GCA: variants seen among roughly 807,000 people sequenced by gnomAD.
GCA encodes the protein grancalcin, also known as grancalcin, EF-hand calcium-binding protein.
A neutral mutation model predicts 32.6 loss-of-function variants in GCA; 30 were observed. That is an observed-to-expected ratio of 0.92 (90% CI 0.69 to 1.25). The LOEUF (loss-of-function observed/expected upper bound fraction) is 1.25. Among genes scored for constraint, GCA ranks in the 50% most tolerant of loss-of-function variants. The pLI, the probability that GCA is intolerant of heterozygous loss-of-function variation, is 0.00. For missense variants in GCA, 291 were observed against 266.8 expected, an observed-to-expected ratio of 1.09 and a Z score of -0.63; for synonymous variants, 102 against 84.6, an observed-to-expected ratio of 1.21 and a Z score of -1.13.
chr2:162,360,534 G>A lies in GCA; in HGVS notation c.*291G>A. On this transcript the variant is annotated 3_prime_UTR_variant, in exon 8 of 8. Coordinates refer to ENST00000437150, the MANE Select transcript of GCA (RefSeq NM_012198.5). The stretch of plus-strand genomic sequence containing the variant: ...ATGCTTAGCCTTAATTTTAGATAAT[G>A]TAAATTTAGAGGAATGTACTTTACA... 9.6e-7 allele frequency: 1 copy of A among 1,044,998 alleles called. No homozygotes were observed. The highest frequency in any genetic ancestry group is 1.2e-6 in the Non-Finnish European group (1 of 807,874). 64.7% of individuals were successfully genotyped at this position (1,044,998 alleles called of 1,614,324 possible).
chr2:162,343,622 G>T (rs911419193), upstream of GCA, among the ~76,000 whole-genome samples: 1 of 152,172 alleles, frequency 6.6e-6, no homozygotes, highest in African/African-American at 2.4e-5. Flanking sequence ...GGGTTTTGGC[G>T]CAGAAGCACT....
chr2:162,373,711 T>C, downstream of GCA: 1 of 1,300,316 alleles, frequency 7.7e-7, no homozygotes, highest in South Asian at 2.3e-5. Context: ...TAGTCCAGAA[T>C]TTCAGGAGCA....
At position 162,359,066 on chromosome 2, in the gene GCA, AT is replaced by A; in HGVS notation, c.479del (p.Leu160Ter). 6.3e-7 allele frequency: 1 copy of A among 1,583,598 alleles called. No homozygotes were observed. The highest frequency in any genetic ancestry group is 8.7e-7 in the Non-Finnish European group (1 of 1,154,502). On this transcript the variant is annotated frameshift_variant, in exon 6 of 8. Coordinates refer to ENST00000437150, the MANE Select transcript of GCA (RefSeq NM_012198.5). LOFTEE classifies it high-confidence loss of function. ...LMGYRLSPQT[L>X]TTIVKRYSKN... ...TAGGTTATAGGTTGAGTCCTCAAACATTAACTACTATTGTTAAACGTTATAG... is the reference window on the plus strand; with the variant it reads ...TAGGTTATAGGTTGAGTCCTCAAACATAACTACTATTGTTAAACGTTATAG...
At chr2:162,373,693 G>A, downstream of GCA, 1 of 1,364,328 alleles carries the variant, frequency 7.3e-7, no homozygotes, top group Non-Finnish European at 9.6e-7. Flanking sequence ...GGAAAAGACA[G>A]TCTAAAATAG....
rs1323502559 is a variant in GCA at position 162,361,297 on chromosome 2, A to C, written c.*1054A>C. 1 of 984,644 alleles carries C rather than the reference A, an allele frequency of 1.0e-6. No homozygotes were observed. Among genetic ancestry groups the C allele is most frequent in the African/African-American group, 1.7e-5 (1 of 57,176 alleles). 61.0% of individuals were successfully genotyped at this position (984,644 alleles called of 1,614,324 possible). On this transcript the variant is annotated 3_prime_UTR_variant, in exon 8 of 8. Coordinates refer to ENST00000437150, the MANE Select transcript of GCA (RefSeq NM_012198.5). Reference sequence around the variant, plus strand: ...TAAAACTGCCGAAAATGCGACGTAGAATCACCAGATCTTTAGTGTTTAATA... The same window carrying C: ...TAAAACTGCCGAAAATGCGACGTAGCATCACCAGATCTTTAGTGTTTAATA...
At chr2:162,320,958 C>T (rs13394808) in intron 1 of GCA, among the ~76,000 whole-genome samples, 8,411 of 152,242 alleles carry the variant, frequency 0.055, 802 homozygotes, top group African/African-American at 0.19. Context: ...ATTAGCATCA[C>T]ATAATACCCA....
chr2:162,331,678 C>G (rs1684089564), intron 1 of GCA, among the ~76,000 whole-genome samples: 1 of 152,202 alleles, frequency 6.6e-6, no homozygotes, highest in Admixed American at 6.5e-5. Context: ...TGATCTTGGA[C>G]TTCCCATCCT....
chr2:162,351,476 T>G (rs1434729606), intron 2 of GCA, among the ~76,000 whole-genome samples: 1 of 152,212 alleles, frequency 6.6e-6, no homozygotes, highest in Admixed American at 6.5e-5. Flanking sequence ...AGAATGCTGC[T>G]TAGTATTTTG....
exon 1 of GCA, chr2:162,319,195 A>C (rs1444392330): frequency 4.4e-6 from 2 of 457,030 alleles, no homozygotes; most frequent in Admixed American, 4.7e-5. Flanking sequence ...TGGGTTCCCA[A>C]ACACTAACTT....
chr2:162,373,916 C>T (rs184592194), downstream of GCA, among the ~76,000 whole-genome samples: 2 of 152,268 alleles, frequency 1.3e-5, no homozygotes. Flanking sequence ...AAATAGACTA[C>T]ATGTTTACTA....
chr2:162,318,875 C>T (rs75022227), upstream of GCA: 1 of 209,798 alleles, frequency 4.8e-6, no homozygotes, highest in East Asian at 1.3e-4. Context: ...GACCAACGCT[C>T]TAGCAAAGCT....
chr2:162,332,744 A>T (rs963908311), intron 1 of GCA, among the ~76,000 whole-genome samples: 63 of 152,138 alleles, frequency 4.1e-4, no homozygotes, highest in Admixed American at 4.1e-3. Flanking sequence ...TGGAGAACAT[A>T]AGGAAATTCA....
intron 7 of GCA, 80 bp from the exon 8 acceptor site, chr2:162,360,137 G>T: frequency 1.2e-6 from 1 of 842,094 alleles, no homozygotes; most frequent in Non-Finnish European, 1.9e-6. Context: ...TTAAGAAAAT[G>T]CTCTTATGGA....
chr2:162,335,847 C>T (rs1227581145), intron 1 of GCA, among the ~76,000 whole-genome samples: 1 of 152,174 alleles, frequency 6.6e-6, no homozygotes, highest in African/African-American at 2.4e-5. Flanking sequence ...TGCACAGTTT[C>T]TTCCAGAGTT....
downstream of GCA, among the ~76,000 whole-genome samples, chr2:162,365,327 G>A (rs192333710): frequency 4.9e-3 from 746 of 151,516 alleles, 9 homozygotes; most frequent in African/African-American, 0.017. Context: ...TACATGAAAT[G>A]TACATTTTTC....
chr2:162,351,331 A>G (rs1188320959), intron 2 of GCA, among the ~76,000 whole-genome samples: 1 of 152,218 alleles, frequency 6.6e-6, no homozygotes, highest in African/African-American at 2.4e-5. Context: ...TAGGACTTGA[A>G]GTTGGATATC....
chr2:162,357,474 T>C (rs1685338822), intron 5 of GCA, among the ~76,000 whole-genome samples: 1 of 151,876 alleles, frequency 6.6e-6, no homozygotes, highest in African/African-American at 2.4e-5. Context: ...TTGCTTAAAC[T>C]TAATGCAGTT....
intron 1 of GCA, 21 bp downstream of exon 1, chr2:162,344,296 C>A (rs1387051322): frequency 6.2e-7 from 1 of 1,612,526 alleles, no homozygotes; most frequent in Non-Finnish European, 8.5e-7. Context: ...GCCGCTTGGT[C>A]GTGTCCCTCT....
intron 1 of GCA, among the ~76,000 whole-genome samples, chr2:162,324,243 T>C (rs1434010478): frequency 6.6e-6 from 1 of 152,214 alleles, no homozygotes; most frequent in African/African-American, 2.4e-5. Context: ...GCTTTCTGTA[T>C]CCCAGGTTCT....
Sources: allele counts gnomAD v4.1 joint callset (sites outside exome capture counted in the v4.1 genomes callset), GRCh38; gene constraint gnomAD v4.1.1; transcripts MANE v1.5; gene names NCBI Gene and HGNC (gene_info 2026-07-23, HGNC 2026-07-21).